The following FLCN variants were observed in gnomAD, a reference collection of about 807,000 sequenced individuals.
The protein encoded by FLCN is folliculin.
In FLCN, 22 loss-of-function variants were observed where a neutral mutation model predicts 62.5. The observed-to-expected ratio is 0.35, with a 90% confidence interval of 0.25 to 0.50. The LOEUF (loss-of-function observed/expected upper bound fraction) is 0.50, where lower values mean the gene tolerates loss of function less well. FLCN is among the 20% of genes least tolerant of loss of function. The probability of loss-of-function intolerance (pLI) is 0.97; values close to 1 mark genes in which losing one functional copy is unlikely to be tolerated. For missense variants in FLCN, 657 were observed against 778.0 expected, an observed-to-expected ratio of 0.84 and a Z score of 1.85; for synonymous variants, 319 against 310.0, an observed-to-expected ratio of 1.03 and a Z score of -0.30.
At chr17:17,224,480 C>G (rs1488956855) in intron 5 of FLCN, 2 of 445,408 alleles carry the variant, frequency 4.5e-6, no homozygotes, top group Non-Finnish European at 8.4e-6. Flanking sequence ...GAAGAACCAG[C>G]AGGTCAGAGC....
rs947184141 is a variant in FLCN at position 17,213,015 on chromosome 17, C to T, written c.*640G>A. ...TGATCAGGGACTCCATCATTAAGCC[C>T]CAGGTTACCTTCACCAGCACCTGCA... On this transcript the variant is annotated 3_prime_UTR_variant, in exon 14 of 14. Transcript: ENST00000285071. The T allele has an allele frequency of 7.1e-5, 17 of 240,804 alleles. No individual in the cohort carries two copies. The highest frequency in any genetic ancestry group is 1.3e-4 in the Non-Finnish European group (16 of 122,000). The allele number at this position is 240,804 out of a possible 1,614,324, so 14.9% of individuals were successfully genotyped here.
chr17:17,213,528 G>A lies in FLCN; in HGVS notation c.*127C>T, dbSNP rs1478076126. On this transcript the variant is annotated 3_prime_UTR_variant, in exon 14 of 14. Coordinates refer to ENST00000285071, the MANE Select transcript of FLCN (RefSeq NM_144997.7). ...TGACAGGGCCGAGCCCAGCCCTGAT[G>A]GTTTCCCTTCCTTGCTGGGACACAG... is the stretch of plus-strand genomic sequence containing the variant. 2.3e-6 allele frequency: 3 copies of A among 1,317,506 alleles called. No individual in the cohort carries two copies. Among genetic ancestry groups the A allele is most frequent in the Non-Finnish European group, 2.2e-6 (2 of 928,116 alleles). The allele number at this position is 1,317,506 out of a possible 1,614,324, so 81.6% of individuals were successfully genotyped here.
chr17:17,224,356 G>T, intron 5 of FLCN: 2 of 596,660 alleles, frequency 3.4e-6, no homozygotes, highest in Non-Finnish European at 6.0e-6. Flanking sequence ...GGACTGCAAG[G>T]GCCGGTAACA....
chr17:17,235,476 AG>A (rs2047557564), intron 1 of FLCN: 1 of 152,210 alleles, frequency 6.6e-6, no homozygotes, highest in African/African-American at 2.4e-5. Context: ...AAAGAAAGAA[AG>A]CAAAAGCACT....
intron 2 of FLCN, among the ~76,000 whole-genome samples, 180 bp from the exon 3 acceptor site, chr17:17,232,062 A>G (rs890035731): frequency 6.6e-6 from 1 of 152,234 alleles, no homozygotes; most frequent in Non-Finnish European, 1.5e-5. Flanking sequence ...GAGAGGAAAC[A>G]TACGCATTTA....
chr17:17,223,954 T>G lies in FLCN; in HGVS notation c.586A>C (p.Ile196Leu). The G allele has an allele frequency of 6.2e-7, 1 of 1,613,448 alleles. No homozygotes were observed. ...WPFLLGKVRG[I>L]IDELQGKALK... ...GCCTTGCCCTGGAGCTCATCGATGATTCCCCGGACCTTCCCCAGCAGGAAG... is the reference window on the plus strand; with the variant it reads ...GCCTTGCCCTGGAGCTCATCGATGAGTCCCCGGACCTTCCCCAGCAGGAAG... The change falls in exon 6 of 14, where the codon ATC (isoleucine) becomes CTC (leucine). Residue 196 changes from isoleucine to leucine, a missense_variant. By Grantham distance (5) the Ile-to-Leu change is conservative. Coordinates refer to ENST00000285071, the MANE Select transcript of FLCN (RefSeq NM_144997.7).
intron 8 of FLCN, 114 bp from the exon 9 acceptor site, chr17:17,219,323 G>GAA: frequency 1.1e-5 from 10 of 909,500 alleles, no homozygotes; most frequent in Non-Finnish European, 1.7e-5. Flanking sequence ...CTGCGGCCAG[G>GAA]TCCTATGCTC....
chr17:17,219,527 AGTTCTCGAGGATCTACACGTT>A (rs980686996), intron 8 of FLCN: 6 of 152,158 alleles, frequency 3.9e-5, no homozygotes, highest in Non-Finnish European at 7.5e-5. Context: ...AGTCGGCCAC[AGTTCTCGAGGATCTACACGTT>A]GTTTCTTTTT....
intron 4 of FLCN, among the ~76,000 whole-genome samples, chr17:17,227,341 T>C (rs1230023770): frequency 6.7e-6 from 1 of 149,772 alleles, no homozygotes; most frequent in Non-Finnish European, 1.5e-5. Context: ...CACGGGACTT[T>C]GGGGACCCGC....
intron 4 of FLCN, 86 bp from the exon 5 acceptor site, chr17:17,226,408 A>C (rs2047252037): frequency 6.6e-7 from 1 of 1,520,078 alleles, no homozygotes; most frequent in African/African-American, 1.4e-5. Flanking sequence ...GAGCTCGGAA[A>C]ACTCAAGCTA....
At position 17,228,352 on chromosome 17, in the gene FLCN, C is replaced by G. The variant is rs1179328957; in HGVS notation, c.-24-191G>C. ...CGAGAGGAACAGAGATAGGATCTTC[C>G]CATGGGAGTCACAGCAAATAGGGGA... is the stretch of plus-strand genomic sequence containing the variant. On this transcript the variant is annotated intron_variant, in intron 3 of 13. Coordinates refer to ENST00000285071, the MANE Select transcript of FLCN (RefSeq NM_144997.7). 3 of 627,792 alleles carry G rather than the reference C, an allele frequency of 4.8e-6. No individual in the cohort carries two copies. The Admixed American group carries it at 9.0e-5, about 19-fold the overall frequency. 38.9% of individuals were successfully genotyped at this position (627,792 alleles called of 1,614,324 possible). A position where few individuals can be genotyped will look rare whatever the true frequency, so the allele number is the denominator to read the frequency against.
Position 17,216,951 on chromosome 17 carries a change from C to A in FLCN, c.1176+118G>T. On this transcript the variant is annotated intron_variant, in intron 10 of 13. Transcript: ENST00000285071. This position sits in a 1 kb window ranked among gnomAD's most constrained non-coding sequence, Gnocchi z 4.0. ...TGCCCACTGCGCCCCCAGTGGAGAC[C>A]GTGTGGTGCACAGCGGTTCTGTGCT... 2 of 784,938 alleles carry A rather than the reference C, an allele frequency of 2.5e-6. No individual in the cohort carries two copies. The highest frequency in any genetic ancestry group is 4.4e-6 in the Non-Finnish European group (2 of 449,986). 48.6% of individuals were successfully genotyped at this position (784,938 alleles called of 1,614,324 possible). A position where few individuals can be genotyped will look rare whatever the true frequency, so the allele number is the denominator to read the frequency against.
chr17:17,217,259 G>T, intron 9 of FLCN, 77 bp from the exon 10 acceptor site: 2 of 1,015,340 alleles, frequency 2.0e-6, no homozygotes, highest in East Asian at 2.5e-5. Flanking sequence ...AGTTATTTGT[G>T]TGTTCATAAA....
chr17:17,228,935 A>T (rs1378624107), intron 3 of FLCN: 1 of 152,292 alleles, frequency 6.6e-6, no homozygotes, highest in Non-Finnish European at 1.5e-5. Context: ...TGTGAATTTC[A>T]CTTGAATAGG....
In FLCN at chr17:17,213,717, T is replaced by C; in HGVS notation, c.1678A>G (p.Thr560Ala). ...GTGGACATGAGGTGTGACTTGTAGG[T>C]CTTGCTCAGGCCAGTCATCCAGAAC... ...LKFWMTGLSK[T>A]YKSHLMSTVR... Residue 560 changes from threonine (T) to alanine (A), a missense_variant, in exon 14 of 14, where the codon ACC becomes GCC. Coordinates refer to ENST00000285071, the MANE Select transcript of FLCN (RefSeq NM_144997.7). The C allele has an allele frequency of 6.2e-7, 1 of 1,614,150 alleles. No homozygotes were observed. Among genetic ancestry groups the C allele is most frequent in the Non-Finnish European group, 8.5e-7 (1 of 1,180,028 alleles).
intron 3 of FLCN, among the ~76,000 whole-genome samples, chr17:17,229,774 G>A (rs1360033370): frequency 6.6e-6 from 1 of 152,228 alleles, no homozygotes; most frequent in Non-Finnish European, 1.5e-5. Context: ...AAGCTCACAG[G>A]AGTGGGTAGA....
At chr17:17,226,986 A>G (rs1161019261) in intron 4 of FLCN, among the ~76,000 whole-genome samples, 1 of 152,156 alleles carries the variant, frequency 6.6e-6, no homozygotes, top group African/African-American at 2.4e-5. Flanking sequence ...TCCATGGGCA[A>G]CCCCAAAACC....
rs2144812166 is a variant in FLCN at position 17,213,822 on chromosome 17, C to G, written c.1573G>C (p.Asp525His). Residue 525 changes from aspartate (D) to histidine (H), a missense_variant, in exon 14 of 14, where the codon GAC (aspartate) becomes CAC (histidine). Transcript: ENST00000285071. ...VKVLFKFTKV[D>H]SRPKEDTQKL... ...TGTGTGTCCTCTTTGGGTCGACTGT[C>G]CACCTTGGTGAACTTAAAAAGCACC... The G allele has an allele frequency of 6.2e-7, 1 of 1,614,196 alleles. No individual in the cohort carries two copies. The highest frequency in any genetic ancestry group is 1.3e-5 in the African/African-American group (1 of 75,048).
chr17:17,218,983 C>G, intron 9 of FLCN, 36 bp downstream of exon 9: 1 of 1,609,628 alleles, frequency 6.2e-7, no homozygotes, highest in African/African-American at 1.3e-5. Flanking sequence ...TGGCTCTCCT[C>G]CTGAGCTCCT....
Sources: allele counts gnomAD v4.1 joint callset (sites outside exome capture counted in the v4.1 genomes callset), GRCh38; gene constraint gnomAD v4.1.1; non-coding constraint Gnocchi (gnomAD v3.1); transcripts MANE v1.5; gene names NCBI Gene and HGNC (gene_info 2026-07-23, HGNC 2026-07-21).